ANK3: variants seen among roughly 807,000 people sequenced by gnomAD.
The protein encoded by ANK3 is ankyrin 3.
A neutral mutation model predicts 370.9 loss-of-function variants in ANK3; 57 were observed. The observed-to-expected ratio is 0.15, with a 90% CI of 0.12 to 0.19. The LOEUF (loss-of-function observed/expected upper bound fraction) is 0.19. Ranked by LOEUF, ANK3 falls within the 10% of genes least tolerant of loss-of-function variation. The pLI, the probability that ANK3 is intolerant of heterozygous loss-of-function variation, is 1.00. For missense variants in ANK3, 4,439 were observed against 5,302.1 expected, an observed-to-expected ratio of 0.84 and a Z score of 5.06; for synonymous variants, 1,929 against 1,946.3, an observed-to-expected ratio of 0.99 and a Z score of 0.23.
intron 23 of ANK3, among the ~76,000 whole-genome samples, chr10:60,150,357 G>A (rs181962292): frequency 1.2e-4 from 18 of 152,164 alleles, no homozygotes; most frequent in Admixed American, 8.5e-4. Context: ...CCTTCTACCC[G>A]TGCAAAATTT....
intron 1 of ANK3, among the ~76,000 whole-genome samples, chr10:60,623,937 C>T (rs549963560): frequency 6.6e-5 from 10 of 152,120 alleles, no homozygotes; most frequent in Non-Finnish European, 1.0e-4. Context: ...TGACCAAACA[C>T]GCCTGTGTGA....
At chr10:60,512,940 C>T (rs549526027) in intron 2 of ANK3, among the ~76,000 whole-genome samples, 7 of 152,082 alleles carry the variant, frequency 4.6e-5, no homozygotes, top group African/African-American at 9.6e-5. Context: ...CCATAATTTA[C>T]GTGATTCATA....
At chr10:60,525,230 T>C (rs1595205671) in intron 2 of ANK3, among the ~76,000 whole-genome samples, 1 of 152,066 alleles carries the variant, frequency 6.6e-6, no homozygotes, top group South Asian at 2.1e-4. Flanking sequence ...AACATCCATC[T>C]TGAAAAGAGA....
chr10:60,644,315 T>C (rs1294873485), intron 1 of ANK3, among the ~76,000 whole-genome samples: 1 of 152,158 alleles, frequency 6.6e-6, no homozygotes, highest in Non-Finnish European at 1.5e-5. Context: ...ATTCCACTAA[T>C]TATTTCAGCC....
intron 1 of ANK3, among the ~76,000 whole-genome samples, chr10:60,281,386 T>C (rs571777618): frequency 4.0e-4 from 61 of 152,182 alleles, no homozygotes; most frequent in Non-Finnish European, 7.2e-4. Flanking sequence ...ACTAAAAGTG[T>C]CTCCAGAATT....
At chr10:60,106,642 C>T (rs2092214504) in intron 27 of ANK3, among the ~76,000 whole-genome samples, 1 of 152,016 alleles carries the variant, frequency 6.6e-6, no homozygotes, top group South Asian at 2.1e-4. Context: ...CCATTCCTGG[C>T]TCTAATATAA....
intron 16 of ANK3, among the ~76,000 whole-genome samples, chr10:60,187,744 T>A (rs192987229): frequency 6.6e-6 from 1 of 152,310 alleles, no homozygotes; most frequent in Admixed American, 6.5e-5. Flanking sequence ...TCATTTGGCC[T>A]TTTGATTTCC....
At position 60,070,644 on chromosome 10, in the gene ANK3, C is replaced by A; in HGVS notation, c.10237G>T (p.Asp3413Tyr). The change falls in exon 37 of 44, where the codon GAC becomes TAC. Residue 3413 changes from aspartate (D) to tyrosine (Y), a missense_variant. Asp to Tyr is a radical substitution (Grantham distance 160). Around this residue, in one of 13 missense-constraint regions of ANK3, gnomAD observed 1,601 missense variants for 1,731.7 expected, o/e 0.92. Coordinates refer to ENST00000280772, the MANE Select transcript of ANK3 (RefSeq NM_020987.5). The surrounding 1 kb of genome is among the most constrained non-coding windows in gnomAD (Gnocchi z 5.7). ...FSHDTDATEI[D>Y]SLDGYDLQDE... ...TGCAGGTCATAGCCATCCAGAGAGT[C>A]GATCTCTGTGGCATCCGTGTCATGA... 6.2e-7 allele frequency: 1 copy of A among 1,614,052 alleles called. No individual in the cohort carries two copies. Among genetic ancestry groups the A allele is most frequent in the Non-Finnish European group, 8.5e-7 (1 of 1,180,008 alleles).
intron 1 of ANK3, among the ~76,000 whole-genome samples, chr10:60,720,911 A>T (rs1238640381): frequency 6.6e-6 from 1 of 152,160 alleles, no homozygotes; most frequent in Non-Finnish European, 1.5e-5. Flanking sequence ...CCAAGCCCAG[A>T]CCTTTTGAAG....
chr10:60,724,153 T>TG (rs2079906459), intron 1 of ANK3, among the ~76,000 whole-genome samples: 1 of 116,504 alleles, frequency 8.6e-6, no homozygotes, highest in Non-Finnish European at 1.7e-5. Context: ...GAGCTTGCAG[T>TG]GAGCCGAGAT....
At chr10:60,096,202 A>G (rs369189621) in intron 28 of ANK3, among the ~76,000 whole-genome samples, 1 of 152,242 alleles carries the variant, frequency 6.6e-6, no homozygotes, top group East Asian at 1.9e-4. Flanking sequence ...AAATAAAATA[A>G]GATAAAAGTA....
At chr10:60,150,918 G>A (rs893915670) in intron 23 of ANK3, among the ~76,000 whole-genome samples, 1 of 152,198 alleles carries the variant, frequency 6.6e-6, no homozygotes, top group East Asian at 1.9e-4. Flanking sequence ...ACAGAATCTC[G>A]AGTAGAAAGT....
chr10:60,416,757 T>C (rs1313206044), intron 2 of ANK3, among the ~76,000 whole-genome samples: 2 of 152,216 alleles, frequency 1.3e-5, no homozygotes, highest in Non-Finnish European at 2.9e-5. Flanking sequence ...ATAGCTACCA[T>C]ATTAGACAGC....
Position 60,166,621 on chromosome 10 carries a change from C to A in ANK3, c.2584G>T (p.Asp862Tyr), listed in dbSNP as rs767992037. ...TCAACATCTGAGATATATTCGCCATCACTGAGCATTTCAGGGGCATTGGCT... is the reference window on the plus strand; with the variant it reads ...TCAACATCTGAGATATATTCGCCATAACTGAGCATTTCAGGGGCATTGGCT... ...RKANAPEMLSDGEYISDVEEG... is the reference protein window; with the variant it reads ...RKANAPEMLSYGEYISDVEEG... Residue 862 changes from aspartate (D) to tyrosine (Y), a missense_variant, in exon 23 of 44, where the codon GAT becomes TAT. Asp to Tyr is a radical substitution (Grantham distance 160). This residue lies in a region of ANK3 where 702 missense variants were observed against 941.5 expected (regional missense o/e 0.75). Coordinates refer to ENST00000280772, the MANE Select transcript of ANK3 (RefSeq NM_020987.5). The A allele has an allele frequency of 6.2e-7, 1 of 1,613,832 alleles. No homozygotes were observed. Among genetic ancestry groups the A allele is most frequent in the East Asian group, 2.2e-5 (1 of 44,814 alleles).
rs535185031 is a variant in ANK3, at chr10:60,045,972, T to C, written c.13066-3213A>G. On this transcript the variant is annotated intron_variant, in intron 42 of 43. Transcript: ENST00000280772. ...TGTGTTCTTACAGTTTGTGGGTGCA[T>C]AGTTCATGACAATGGGCGGGACATT... Among the ~76,000 whole-genome samples the C allele has an allele frequency of 4.6e-5, 7 of 152,192 alleles. 1 individual carries two copies. The highest frequency in any genetic ancestry group is 1.7e-4 in the African/African-American group (7 of 41,526).
chr10:60,518,491 G>A (rs1030635677), intron 2 of ANK3, among the ~76,000 whole-genome samples: 1 of 152,024 alleles, frequency 6.6e-6, no homozygotes, highest in African/African-American at 2.4e-5. Context: ...TAAACATCTA[G>A]ACTCCAGGCT....
In ANK3 at chr10:60,029,375, T is replaced by C. The variant is rs1251824212; in HGVS notation, c.*471A>G. ...ATTATTTACAGCAAAACTATCGATG[T>C]TTTAAAAAAGAAACAAATAGTGTTT... On this transcript the variant is annotated 3_prime_UTR_variant, in exon 44 of 44. Transcript: ENST00000280772. The C allele has an allele frequency of 6.6e-6, 1 of 152,614 alleles. No individual in the cohort carries two copies. Among genetic ancestry groups the C allele is most frequent in the African/African-American group, 2.4e-5 (1 of 41,436 alleles). 9.5% of individuals were successfully genotyped at this position (152,614 alleles called of 1,614,324 possible). A position where few individuals can be genotyped will look rare whatever the true frequency, so the allele number is the denominator to read the frequency against.
intron 1 of ANK3, among the ~76,000 whole-genome samples, chr10:60,725,355 T>C (rs1162038327): frequency 6.6e-6 from 1 of 152,186 alleles, no homozygotes; most frequent in Non-Finnish European, 1.5e-5. Flanking sequence ...GTAAACAACC[T>C]TGGACATGTC....
At chr10:60,314,396 G>A (rs2046986110) in intron 1 of ANK3, among the ~76,000 whole-genome samples, 1 of 152,166 alleles carries the variant, frequency 6.6e-6, no homozygotes, top group East Asian at 1.9e-4. Context: ...ACTGGAGAGA[G>A]CTTGCAGGAC....
Sources: gnomAD v4.1 joint callset for allele counts (sites outside exome capture counted in the v4.1 genomes callset) on GRCh38, gnomAD v4.1.1 for gene constraint, gnomAD v4.1.1 regional missense constraint, Gnocchi (gnomAD v3.1) non-coding constraint, MANE v1.5 for transcripts, NCBI Gene and HGNC (gene_info 2026-07-23, HGNC 2026-07-21) for gene names.